PCDH11Y: variants seen among roughly 807,000 people sequenced by gnomAD.
PCDH11Y encodes the protein protocadherin 11 Y-linked.
For synonymous variants in PCDH11Y, 9 were observed against 83.6 expected, an observed-to-expected ratio of 0.11 and a Z score of 4.87; for missense variants, 12 against 224.8, an observed-to-expected ratio of 0.05 and a Z score of 6.05.
At chrY:5,131,925 T>C in intron 2 of PCDH11Y, among the ~76,000 whole-genome samples, 1 of 33,664 alleles carries the variant, frequency 3.0e-5, no homozygotes, top group Non-Finnish European at 7.4e-5. Context: ...GATATACCTA[T>C]ACATTGTGAA....
At chrY:5,482,007 T>TC (rs2053326635) in intron 2 of PCDH11Y, among the ~76,000 whole-genome samples, 2 of 24,308 alleles carry the variant, frequency 8.2e-5, no homozygotes, top group Non-Finnish European at 2.0e-4. Context: ...TTTTTTTTTT[T>TC]TTTTTTTTTT....
At chrY:5,509,872 C>G in intron 3 of PCDH11Y, among the ~76,000 whole-genome samples, 3 of 29,445 alleles carry the variant, frequency 1.0e-4, no homozygotes, top group Admixed American at 3.1e-4. Context: ...TGCTTTTGGC[C>G]GGGCACGGTG....
chrY:5,178,398 A>C, intron 2 of PCDH11Y, among the ~76,000 whole-genome samples: 1 of 32,311 alleles, frequency 3.1e-5, no homozygotes, highest in Admixed American at 2.9e-4. Context: ...TTACACTGGG[A>C]ATCAGGTAAA....
intron 4 of PCDH11Y, among the ~76,000 whole-genome samples, chrY:5,667,677 G>A (rs2053545979): frequency 6.0e-5 from 2 of 33,322 alleles, no homozygotes; most frequent in Non-Finnish European, 1.5e-4. Context: ...TTGCAGGCAT[G>A]AGCCATCGCA....
chrY:5,712,921 C>T, intron 4 of PCDH11Y, among the ~76,000 whole-genome samples: 5 of 22,845 alleles, frequency 2.2e-4, no homozygotes, highest in Non-Finnish European at 4.0e-4. Flanking sequence ...AAAATTTTAC[C>T]TCATGGTCAA....
At chrY:5,355,802 TA>T (rs2053165319) in intron 2 of PCDH11Y, among the ~76,000 whole-genome samples, 1 of 33,809 alleles carries the variant, frequency 3.0e-5, no homozygotes, top group Non-Finnish European at 7.3e-5. Context: ...TGAATAGTTT[TA>T]TTCTATTAAC....
At chrY:5,547,655 A>G (rs2053414641) in intron 3 of PCDH11Y, among the ~76,000 whole-genome samples, 2 of 32,513 alleles carry the variant, frequency 6.2e-5, no homozygotes. Flanking sequence ...GTAATGATGT[A>G]CAGCCACACT....
chrY:5,030,499 T>C (rs2052588209), intron 1 of PCDH11Y, among the ~76,000 whole-genome samples: 1 of 33,595 alleles, frequency 3.0e-5, no homozygotes, highest in Non-Finnish European at 7.4e-5. Context: ...TATTACTTAG[T>C]CTCAACATTT....
chrY:5,385,381 G>C, intron 2 of PCDH11Y, among the ~76,000 whole-genome samples: 2 of 30,448 alleles, frequency 6.6e-5, no homozygotes, highest in South Asian at 7.6e-4. Flanking sequence ...CCGCTTATGA[G>C]TGAGAACATA....
intron 2 of PCDH11Y, among the ~76,000 whole-genome samples, chrY:5,327,655 A>G (rs2053123859): frequency 3.1e-5 from 1 of 32,370 alleles, no homozygotes; most frequent in African/African-American, 1.2e-4. Flanking sequence ...GGGATATGAG[A>G]GGAAGACTCG....
intron 3 of PCDH11Y, among the ~76,000 whole-genome samples, chrY:5,566,072 C>T (rs1602944204): frequency 3.9e-5 from 1 of 25,959 alleles, no homozygotes; most frequent in African/African-American, 1.5e-4. Context: ...CTCCTGGGTT[C>T]AAGCAATTCG....
intron 2 of PCDH11Y, among the ~76,000 whole-genome samples, chrY:5,377,982 G>A (rs2053199947): frequency 6.1e-5 from 2 of 32,601 alleles, no homozygotes; most frequent in Non-Finnish European, 1.5e-4. Context: ...CAGGTGATCC[G>A]CCCACCTTGG....
intron 2 of PCDH11Y, among the ~76,000 whole-genome samples, chrY:5,340,483 C>T: frequency 3.2e-5 from 1 of 30,922 alleles, no homozygotes; most frequent in Non-Finnish European, 7.7e-5. Context: ...TTAACCATCA[C>T]AGATTTCTAC....
intron 1 of PCDH11Y, among the ~76,000 whole-genome samples, chrY:5,080,437 G>A: frequency 3.5e-5 from 1 of 28,869 alleles, no homozygotes; most frequent in Non-Finnish European, 8.2e-5. Flanking sequence ...AGACATACCC[G>A]AGACTGGGTA....
intron 2 of PCDH11Y, among the ~76,000 whole-genome samples, chrY:5,328,642 G>A (rs2053125588): frequency 3.0e-5 from 1 of 32,865 alleles, no homozygotes; most frequent in African/African-American, 1.2e-4. Context: ...AGAAAAAGGA[G>A]CATTAACCTA....
intron 2 of PCDH11Y, among the ~76,000 whole-genome samples, chrY:5,359,545 A>G: frequency 3.1e-5 from 1 of 32,173 alleles, no homozygotes; most frequent in African/African-American, 1.2e-4. Context: ...CTGGGAATGC[A>G]GCCCAGTAGG....
intron 4 of PCDH11Y, among the ~76,000 whole-genome samples, chrY:5,603,194 A>G (rs2053474435): frequency 3.3e-5 from 1 of 29,853 alleles, no homozygotes; most frequent in African/African-American, 1.3e-4. Context: ...ATACATAAAC[A>G]TAATAGTTTA....
At chrY:5,094,655 A>G (rs2124634465) in intron 1 of PCDH11Y, among the ~76,000 whole-genome samples, 2 of 31,839 alleles carry the variant, frequency 6.3e-5, no homozygotes, top group East Asian at 1.6e-3. Flanking sequence ...AAAATGTTCT[A>G]CATCTGCAGT....
At chrY:5,091,879 GA>G (rs2052741859) in intron 1 of PCDH11Y, among the ~76,000 whole-genome samples, 2 of 31,150 alleles carry the variant, frequency 6.4e-5, no homozygotes, top group Non-Finnish European at 1.6e-4. Context: ...ACAAAATAGG[GA>G]AAAAAAATCA....
Sources: gnomAD v4.1 joint callset for allele counts (sites outside exome capture counted in the v4.1 genomes callset) on GRCh38, gnomAD v4.1.1 for gene constraint, MANE v1.5 for transcripts, NCBI Gene and HGNC (gene_info 2026-07-23, HGNC 2026-07-21) for gene names.